Variants in CERT1 observed in about 807,000 individuals in gnomAD.
CERT1 encodes ceramide transporter 1.
CERT1 carries 31 observed loss-of-function variants against 87.9 expected under a neutral mutation model. The observed-to-expected ratio is 0.35, with a 90% confidence interval of 0.27 to 0.48. The LOEUF is 0.48. Among genes scored for constraint, CERT1 ranks in the 20% least tolerant of loss-of-function variants. The pLI is 0.99. For synonymous variants in CERT1, 289 were observed against 250.9 expected (o/e 1.15, Z -1.44); for missense variants, 487 against 758.0 (o/e 0.64, Z 4.20).
At chr5:75,505,464 T>A (rs1341691977) in intron 2 of CERT1, 1 of 152,206 alleles carries the variant, frequency 6.6e-6, no homozygotes, top group Non-Finnish European at 1.5e-5. Flanking sequence ...CTTAGAGTTT[T>A]TCAAAAGTTA....
intron 2 of CERT1, among the ~76,000 whole-genome samples, chr5:75,500,648 T>C (rs1351152038): frequency 6.6e-6 from 1 of 152,228 alleles, no homozygotes; most frequent in Non-Finnish European, 1.5e-5. Context: ...TAGTTTCTTA[T>C]CTAGTGCTTT....
At chr5:75,421,152 G>A (rs1237485053) in intron 5 of CERT1, among the ~76,000 whole-genome samples, 1 of 152,140 alleles carries the variant, frequency 6.6e-6, no homozygotes, top group African/African-American at 2.4e-5. Flanking sequence ...TTATAAAGAA[G>A]GAATCTACAT....
At chr5:75,439,759 A>G (rs1335671262) in intron 3 of CERT1, among the ~76,000 whole-genome samples, 1 of 152,132 alleles carries the variant, frequency 6.6e-6, no homozygotes, top group Non-Finnish European at 1.5e-5. Context: ...TACCTAAGAC[A>G]GCAATTTAAT....
In CERT1 at chr5:75,511,233, C is replaced by A; in HGVS notation, c.-26G>T. On this transcript the variant is annotated 5_prime_UTR_variant, in exon 1 of 17. Transcript: ENST00000643780. Reference sequence around the variant, plus strand: ...GGAGGCTCGACAACCGAGCAGGAGACCGGCCCCCGCTCCCTCAGCTGCGCC... The same window carrying A: ...GGAGGCTCGACAACCGAGCAGGAGAACGGCCCCCGCTCCCTCAGCTGCGCC... 1.9e-6 allele frequency: 3 copies of A among 1,610,584 alleles called. No homozygotes were observed. The highest frequency in any genetic ancestry group is 2.5e-6 in the Non-Finnish European group (3 of 1,178,782).
chr5:75,466,095 C>T (rs1765442826), intron 2 of CERT1, among the ~76,000 whole-genome samples: 1 of 152,062 alleles, frequency 6.6e-6, no homozygotes, highest in African/African-American at 2.4e-5. Context: ...TTAAATCCAC[C>T]CTTCTATATA....
At position 75,506,136 on chromosome 5, in the gene CERT1, G is replaced by A. The variant is rs770615248; in HGVS notation, c.97-20C>T. 9.3e-6 allele frequency: 15 copies of A among 1,608,160 alleles called. No individual in the cohort carries two copies. Among genetic ancestry groups the A allele is most frequent in the Non-Finnish European group, 1.2e-5 (14 of 1,177,132 alleles). ...TGTCCACTGGGAGTGGGAAGGGGAA[G>A]GGAAGAGAGAAGAAAACAAAAAATA... On this transcript the variant is annotated intron_variant, in intron 1 of 16. Transcript: ENST00000643780.
Position 75,419,410 on chromosome 5 carries a change from C to T in CERT1, c.610G>A (p.Glu204Lys). 1 of 1,608,282 alleles carries T rather than the reference C, an allele frequency of 6.2e-7. No homozygotes were observed. Among genetic ancestry groups the T allele is most frequent in the East Asian group, 2.2e-5 (1 of 44,776 alleles). The change falls in exon 6 of 17, where the codon GAA becomes AAA. Residue 204 changes from glutamate to lysine, a missense_variant. Physicochemically the swap from Glu to Lys is moderately conservative, Grantham distance 56 (BLOSUM62 1). Coordinates refer to ENST00000643780, the MANE Select transcript of CERT1 (RefSeq NM_001379029.1). ...GAACGCGTTGTAGGAAAGTCATCTT[C>T]ATCATCTTCTACCACTAAATAAAAT... ...LQRDKVVEDD[E>K]DDFPTTRSDG...
intron 13 of CERT1, 65 bp downstream of exon 13, chr5:75,385,812 GTAAACTATGTAGGAGATGCAGAAAA>G (rs1761762988): frequency 9.9e-6 from 10 of 1,007,876 alleles, no homozygotes; most frequent in Non-Finnish European, 1.3e-5. Context: ...CGTTGACTTT[GTAAACTATGTAGGAGATGCAGAAAA>G]CTAGGTTGGA....
intron 2 of CERT1, among the ~76,000 whole-genome samples, chr5:75,468,896 G>A (rs1408571531): frequency 6.6e-6 from 1 of 152,108 alleles, no homozygotes; most frequent in African/African-American, 2.4e-5. Context: ...ATGCACAACA[G>A]GAAGGATCCA....
intron 3 of CERT1, among the ~76,000 whole-genome samples, chr5:75,442,545 TTG>T (rs1764364909): frequency 6.6e-6 from 1 of 152,190 alleles, no homozygotes; most frequent in East Asian, 1.9e-4. Flanking sequence ...TTGGTCAGTG[TTG>T]TGTTTCTAGG....
chr5:75,422,259 C>T lies in CERT1; in HGVS notation c.596-2835G>A, dbSNP rs556154947. 1.1e-4 allele frequency among the ~76,000 whole-genome samples: 16 copies of T among 152,184 alleles called. No individual in the cohort carries two copies. In the East Asian group the frequency reaches 2.5e-3, roughly 24 times the overall value. ...CCCAAATATTTCTCAGCCACCAGCA[C>T]ATTAAATCTTCCTCTCAAACTACCC... On this transcript the variant is annotated intron_variant, in intron 5 of 16. Transcript: ENST00000643780.
intron 5 of CERT1, 108 bp downstream of exon 5, chr5:75,425,253 A>C: frequency 8.9e-7 from 1 of 1,120,108 alleles, no homozygotes; most frequent in South Asian, 1.8e-5. Context: ...TTTGCAGCAA[A>C]AAATGACTAT....
chr5:75,510,169 A>G (rs1171818782), intron 1 of CERT1, among the ~76,000 whole-genome samples: 1 of 152,176 alleles, frequency 6.6e-6, no homozygotes, highest in Non-Finnish European at 1.5e-5. Flanking sequence ...CAGCTTGTTG[A>G]GGGACTGGCC....
At chr5:75,481,108 C>G (rs1395025811) in intron 2 of CERT1, among the ~76,000 whole-genome samples, 1 of 152,182 alleles carries the variant, frequency 6.6e-6, no homozygotes, top group East Asian at 1.9e-4. Flanking sequence ...ATCCACAAGG[C>G]TCTCCACAAC....
At chr5:75,456,544 C>T (rs919895495) in intron 3 of CERT1, among the ~76,000 whole-genome samples, 90 of 151,034 alleles carry the variant, frequency 6.0e-4, no homozygotes, top group Non-Finnish European at 5.5e-4. Context: ...CACGGTGGTG[C>T]ATGCCTGTAG....
At chr5:75,505,592 A>G (rs936362988) in intron 2 of CERT1, 1 of 152,742 alleles carries the variant, frequency 6.5e-6, no homozygotes, top group African/African-American at 2.4e-5. Flanking sequence ...CTCAATGTTA[A>G]AAAGTTTAAA....
intron 2 of CERT1, among the ~76,000 whole-genome samples, chr5:75,493,210 G>A (rs757802665): frequency 2.0e-5 from 3 of 152,072 alleles, no homozygotes; most frequent in Non-Finnish European, 4.4e-5. Context: ...ACCATCATTT[G>A]CCTTCAACAA....
chr5:75,447,935 C>T (rs184025027), intron 3 of CERT1, among the ~76,000 whole-genome samples: 4 of 152,232 alleles, frequency 2.6e-5, no homozygotes, highest in African/African-American at 9.6e-5. Flanking sequence ...CCATCATGCC[C>T]GGCTTGTATT....
At chr5:75,452,084 G>A (rs974927833) in intron 3 of CERT1, among the ~76,000 whole-genome samples, 3 of 152,110 alleles carry the variant, frequency 2.0e-5, no homozygotes, top group Admixed American at 1.3e-4. Flanking sequence ...TTCTCAGGTT[G>A]AGAATAAACC....
Sources: gnomAD v4.1 joint callset for allele counts (sites outside exome capture counted in the v4.1 genomes callset) on GRCh38, gnomAD v4.1.1 for gene constraint, MANE v1.5 for transcripts, NCBI Gene and HGNC (gene_info 2026-07-23, HGNC 2026-07-21) for gene names.